PAPOLA: variants seen among roughly 807,000 people sequenced by gnomAD.
The protein encoded by PAPOLA is polynucleotide adenylyltransferase alpha.
A neutral mutation model predicts 100.6 loss-of-function variants in PAPOLA; 15 were observed. The observed-to-expected ratio is 0.15, with a 90% CI of 0.10 to 0.23. The LOEUF (loss-of-function observed/expected upper bound fraction) is 0.23, where lower values mean the gene tolerates loss of function less well. Among genes scored for constraint, PAPOLA ranks in the 10% least tolerant of loss-of-function variants. PAPOLA has a pLI of 1.00. For synonymous variants in PAPOLA, 293 were observed against 300.0 expected, an observed-to-expected ratio of 0.98 and a Z score of 0.24; for missense variants, 533 against 884.2, an observed-to-expected ratio of 0.60 and a Z score of 5.04.
intron 6 of PAPOLA, among the ~76,000 whole-genome samples, chr14:96,531,047 G>C (rs1255933587): frequency 6.6e-6 from 1 of 152,106 alleles, no homozygotes; most frequent in Non-Finnish European, 1.5e-5. Context: ...CTGTCACCCA[G>C]GCTGTAGTGC....
At chr14:96,552,673 C>G (rs777571635) in intron 17 of PAPOLA, 51 bp downstream of exon 17, 1 of 1,473,288 alleles carries the variant, frequency 6.8e-7, no homozygotes, top group South Asian at 1.2e-5. Context: ...CTAAATCAAT[C>G]AGATACATTC....
intron 3 of PAPOLA, among the ~76,000 whole-genome samples, chr14:96,523,345 T>A (rs561090711): frequency 1.3e-5 from 2 of 152,314 alleles, no homozygotes; most frequent in South Asian, 2.1e-4. Context: ...AAATAAAAAT[T>A]AAAATTAAAC....
At chr14:96,515,768 G>C (rs1400824536) in intron 1 of PAPOLA, among the ~76,000 whole-genome samples, 2 of 152,132 alleles carry the variant, frequency 1.3e-5, no homozygotes, top group Admixed American at 1.3e-4. Flanking sequence ...CTATATGTCT[G>C]GTTTGTATTT....
chr14:96,534,076 C>T (rs1899309136), intron 9 of PAPOLA: 1 of 992,988 alleles, frequency 1.0e-6, no homozygotes, highest in Non-Finnish European at 1.2e-6. Context: ...TATTCATACC[C>T]CTTTGCCTGT....
At chr14:96,557,569 G>A (rs1278666849) in intron 19 of PAPOLA, among the ~76,000 whole-genome samples, 1 of 139,652 alleles carries the variant, frequency 7.2e-6, no homozygotes. Flanking sequence ...ATTTCATTGT[G>A]TTTTTTTTTT....
intron 15 of PAPOLA, among the ~76,000 whole-genome samples, chr14:96,547,343 A>G (rs1378270659): frequency 1.3e-5 from 2 of 152,060 alleles, no homozygotes; most frequent in African/African-American, 2.4e-5. Context: ...AAAGTATGTC[A>G]TTAGTTAGTT....
intron 4 of PAPOLA, chr14:96,527,211 G>A: frequency 2.1e-6 from 1 of 473,476 alleles, no homozygotes; most frequent in Non-Finnish European, 3.7e-6. Context: ...GTTTACTTGG[G>A]CCACTATAAA....
chr14:96,521,392 T>G (rs1313971100), intron 3 of PAPOLA, among the ~76,000 whole-genome samples: 1 of 152,220 alleles, frequency 6.6e-6, no homozygotes, highest in Non-Finnish European at 1.5e-5. Flanking sequence ...TTTAAACATA[T>G]TTGAGACTCT....
rs1899127343 is a variant in PAPOLA, at chr14:96,532,511, G to A, written c.698G>A (p.Arg233His). ...CTTTTTGCTTTTCCCTTATCAACAG[G>A]CCACAACATCTATTCCAATATATTA... ...TLRAIKLWAK[R>H]HNIYSNILGF... The change falls in exon 9 of 22, where the codon CGC becomes CAC. Residue 233 changes from arginine to histidine, a missense_variant and splice_region_variant. Physicochemically the swap from Arg to His is conservative, Grantham distance 29 (BLOSUM62 0). This residue lies in a region of PAPOLA where 32 missense variants were observed against 95.0 expected (regional missense o/e 0.34). Transcript: ENST00000216277. The A allele has an allele frequency of 1.2e-6, 2 of 1,607,246 alleles. No individual in the cohort carries two copies. The highest frequency in any genetic ancestry group is 1.7e-6 in the Non-Finnish European group (2 of 1,178,054).
chr14:96,535,744 T>A, intron 10 of PAPOLA, 135 bp from the exon 11 acceptor site: 1 of 857,556 alleles, frequency 1.2e-6, no homozygotes, highest in South Asian at 4.4e-5. Context: ...TCTCTCTACA[T>A]GGTTTTTCTT....
At chr14:96,529,136 T>G (rs756291149) in intron 6 of PAPOLA, among the ~76,000 whole-genome samples, 1 of 152,192 alleles carries the variant, frequency 6.6e-6, no homozygotes, top group African/African-American at 2.4e-5. Flanking sequence ...TTTAGGAACA[T>G]AATATTTTAG....
chr14:96,524,335 T>A (rs928157739), intron 3 of PAPOLA, among the ~76,000 whole-genome samples: 1 of 152,210 alleles, frequency 6.6e-6, no homozygotes, highest in Non-Finnish European at 1.5e-5. Flanking sequence ...GCTTTCTCCC[T>A]CTTCCTGATG....
intron 1 of PAPOLA, among the ~76,000 whole-genome samples, chr14:96,508,964 A>G (rs1488380531): frequency 2.0e-5 from 3 of 152,184 alleles, no homozygotes; most frequent in Non-Finnish European, 2.9e-5. Flanking sequence ...TCTGTGTTGC[A>G]TTGTCATTCC....
At chr14:96,519,199 A>C (rs1044696157) in intron 1 of PAPOLA, among the ~76,000 whole-genome samples, 2 of 151,688 alleles carry the variant, frequency 1.3e-5, no homozygotes, top group Middle Eastern at 3.4e-3. Context: ...AAGTGCTGGG[A>C]TTACAGGGGT....
At chr14:96,530,460 C>A (rs1042059699) in intron 6 of PAPOLA, among the ~76,000 whole-genome samples, 3 of 149,218 alleles carry the variant, frequency 2.0e-5, no homozygotes, top group African/African-American at 7.4e-5. Flanking sequence ...AATCACAGTT[C>A]ACTGTAGCCT....
At chr14:96,519,999 TTTG>T in intron 1 of PAPOLA, 53 bp from the exon 2 acceptor site, 1 of 1,410,088 alleles carries the variant, frequency 7.1e-7, no homozygotes, top group Non-Finnish European at 9.7e-7. Flanking sequence ...GTCTTACTGA[TTTG>T]TTTCAAATTG....
At chr14:96,520,009 A>T (rs186234609) in intron 1 of PAPOLA, 46 bp from the exon 2 acceptor site, 1 of 1,469,424 alleles carries the variant, frequency 6.8e-7, no homozygotes, top group Non-Finnish European at 9.3e-7. Context: ...TTTGTTTCAA[A>T]TTGTAGAATT....
At chr14:96,526,217 T>G (rs1405357288) in intron 4 of PAPOLA, 2 of 152,274 alleles carry the variant, frequency 1.3e-5, no homozygotes, top group Non-Finnish European at 2.9e-5. Context: ...CATTATCTTA[T>G]TTAGTTCTTC....
At chr14:96,520,279 A>T in intron 2 of PAPOLA, 51 bp downstream of exon 2, 1 of 1,407,262 alleles carries the variant, frequency 7.1e-7, no homozygotes, top group South Asian at 1.3e-5. Context: ...ATTAATGTTG[A>T]CATAAACTAA....
Sources: gnomAD v4.1 joint callset for allele counts (sites outside exome capture counted in the v4.1 genomes callset) on GRCh38, gnomAD v4.1.1 for gene constraint, gnomAD v4.1.1 regional missense constraint, MANE v1.5 for transcripts, NCBI Gene and HGNC (gene_info 2026-07-23, HGNC 2026-07-21) for gene names.